The following INTS11 variants were observed in gnomAD, a reference collection of about 807,000 sequenced individuals.
INTS11 encodes integrator complex subunit 11.
Under a neutral mutation model 78.6 loss-of-function variants are expected in INTS11, and 77 were observed. The ratio of observed to expected loss-of-function variants is 0.98; its 90% CI spans 0.81 to 1.18. The LOEUF is 1.18. INTS11 is among the 50% of genes most tolerant of loss of function. The pLI, the probability that INTS11 is intolerant of heterozygous loss-of-function variation, is 0.00. For missense variants in INTS11, 875 were observed against 825.9 expected, an observed-to-expected ratio of 1.06 and a Z score of -0.73; for synonymous variants, 441 against 326.9, an observed-to-expected ratio of 1.35 and a Z score of -3.77.
At chr1:1,321,205 T>A in intron 1 of INTS11, 112 bp from the exon 2 acceptor site, 1 of 786,182 alleles carries the variant, frequency 1.3e-6, no homozygotes, top group South Asian at 1.6e-5. Context: ...GTCTGCTGTG[T>A]GGACAGACAC....
Position 1,315,436 on chromosome 1 carries a change from A to G in INTS11, c.531T>C (p.Gly177=). The G allele has an allele frequency of 6.2e-7, 1 of 1,612,068 alleles. No individual in the cohort carries two copies. Among genetic ancestry groups the G allele is most frequent in the Non-Finnish European group, 8.5e-7 (1 of 1,179,674 alleles). Residue 177 remains glycine, a splice_region_variant and synonymous_variant, in exon 6 of 17, where the codon GGT becomes GGC. Coordinates refer to ENST00000435064, the MANE Select transcript of INTS11 (RefSeq NM_017871.6). ...GTCGGTCTGGGGTCATGTTATAATCACCCTGGTGAACGATCAAGGATGCCA... is the reference window on the plus strand; with the variant it reads ...GTCGGTCTGGGGTCATGTTATAATCGCCCTGGTGAACGATCAAGGATGCCA... ...KVGSESVVYT[G]DYNMTPDRHL... is the part of the protein sequence containing the mutation.
chr1:1,311,934 A>T lies in INTS11; in HGVS notation c.1738-10T>A. On this transcript the variant is annotated splice_polypyrimidine_tract_variant and intron_variant, in intron 16 of 16. Coordinates refer to ENST00000435064, the MANE Select transcript of INTS11 (RefSeq NM_017871.6). ...TCCCCAGCTCCTCGTCCTAGGGCAGAGGCAAAAGCATTGTGGGTGGTGCAG... is the reference window on the plus strand; with the variant it reads ...TCCCCAGCTCCTCGTCCTAGGGCAGTGGCAAAAGCATTGTGGGTGGTGCAG... 1 of 1,582,074 alleles carries T rather than the reference A, an allele frequency of 6.3e-7. No homozygotes were observed. The highest frequency in any genetic ancestry group is 8.6e-7 in the Non-Finnish European group (1 of 1,162,446).
chr1:1,315,142 G>A, intron 6 of INTS11, 180 bp from the exon 7 acceptor site: 1 of 800,510 alleles, frequency 1.2e-6, no homozygotes, highest in East Asian at 2.7e-5. Flanking sequence ...GAGAGACAGA[G>A]GCACCCACCC....
rs776408522 is a variant in INTS11, at chr1:1,324,634, C to G, written c.-26G>C. 6 of 1,597,900 alleles carry G rather than the reference C, an allele frequency of 3.8e-6. No homozygotes were observed. The highest frequency in any genetic ancestry group is 5.1e-6 in the Non-Finnish European group (6 of 1,173,824). Reference sequence around the variant, plus strand: ...CGTCTCCGCCGCGCTCCCGGACCCGCGAGGCCCGCCTGCGGTGATGCACTG... The same window carrying G: ...CGTCTCCGCCGCGCTCCCGGACCCGGGAGGCCCGCCTGCGGTGATGCACTG... On this transcript the variant is annotated 5_prime_UTR_variant, in exon 1 of 17. Coordinates refer to ENST00000435064, the MANE Select transcript of INTS11 (RefSeq NM_017871.6).
chr1:1,313,016 G>C lies in INTS11; in HGVS notation c.1131+19C>G, dbSNP rs1245011382. On this transcript the variant is annotated intron_variant, in intron 11 of 16. Transcript: ENST00000435064. ...GGTGCCCCTCGGCCCTGCCAGCCCA[G>C]TGCGGGGTCGAGACTCACCACCTGC... 6.2e-7 allele frequency: 1 copy of C among 1,611,318 alleles called. No individual in the cohort carries two copies. Among genetic ancestry groups the C allele is most frequent in the Non-Finnish European group, 8.5e-7 (1 of 1,179,756 alleles).
rs1347080765 is a variant in INTS11, at chr1:1,311,619, T to C, written c.*240A>G. The C allele has an allele frequency of 2.8e-6, 2 of 712,824 alleles. No individual in the cohort carries two copies. The highest frequency in any genetic ancestry group is 5.1e-6 in the Non-Finnish European group (2 of 395,534). 44.2% of individuals were successfully genotyped at this position (712,824 alleles called of 1,614,324 possible). A position where few individuals can be genotyped will look rare whatever the true frequency, so the allele number is the denominator to read the frequency against. On this transcript the variant is annotated 3_prime_UTR_variant, in exon 17 of 17. Transcript: ENST00000435064. ...AAGTAGTCTTTTGTTCAGCTTTTAC[T>C]GGAAACTGCTGTCTAGGACCACCTG...
intron 4 of INTS11, among the ~76,000 whole-genome samples, chr1:1,318,317 T>C (rs1240391234): frequency 1.3e-5 from 2 of 152,140 alleles, no homozygotes; most frequent in Admixed American, 6.5e-5. Context: ...TAAGCAAATG[T>C]TGGTGTTACC....
rs560061998 is a variant in INTS11 at position 1,315,009 on chromosome 1, G to A, written c.564-47C>T. 684 of 1,595,374 alleles carry A rather than the reference G, an allele frequency of 4.3e-4. 13 individuals carry two copies. In the South Asian group the frequency reaches 5.1e-3, roughly 12 times the overall value. ...GTGAGCCACGATGCACTGTCCCCAC[G>A]GTTGCAGGGCTGGGTGTGACAAGCT... is the stretch of plus-strand genomic sequence containing the variant. On this transcript the variant is annotated intron_variant, in intron 6 of 16. Coordinates refer to ENST00000435064, the MANE Select transcript of INTS11 (RefSeq NM_017871.6).
At chr1:1,320,431 C>A in intron 3 of INTS11, 25 bp downstream of exon 3, 1 of 1,611,890 alleles carries the variant, frequency 6.2e-7, no homozygotes, top group South Asian at 1.1e-5. Context: ...ACATGGGACC[C>A]TCAAGGCCCC....
chr1:1,315,444 G>A lies in INTS11; in HGVS notation c.529-6C>T. On this transcript the variant is annotated splice_polypyrimidine_tract_variant and splice_region_variant and intron_variant, in intron 5 of 16. Coordinates refer to ENST00000435064, the MANE Select transcript of INTS11 (RefSeq NM_017871.6). ...GGGGTCATGTTATAATCACCCTGGT[G>A]AACGATCAAGGATGCCATGAGGAGG... 2 of 1,613,180 alleles carry A rather than the reference G, an allele frequency of 1.2e-6. No homozygotes were observed. The highest frequency in any genetic ancestry group is 1.7e-6 in the Non-Finnish European group (2 of 1,179,920).
chr1:1,318,594 G>A, intron 4 of INTS11: 1 of 327,326 alleles, frequency 3.1e-6, no homozygotes, highest in East Asian at 5.3e-5. Context: ...GGAGGCCGAG[G>A]CTGCAGTGAG....
chr1:1,317,382 C>A (rs1290267105), intron 4 of INTS11: 17 of 709,596 alleles, frequency 2.4e-5, no homozygotes, highest in Non-Finnish European at 2.6e-5. Flanking sequence ...GCAATGAGAG[C>A]GAAACTCCAT....
intron 3 of INTS11, chr1:1,319,740 C>A (rs1371558705): frequency 3.5e-6 from 2 of 569,308 alleles, no homozygotes; most frequent in Admixed American, 6.5e-5. Context: ...AAATTGAACA[C>A]GTCGGTGACG....
intron 4 of INTS11, chr1:1,317,385 A>C: frequency 1.3e-5 from 9 of 704,802 alleles, no homozygotes; most frequent in Non-Finnish European, 1.6e-5. Context: ...ATGAGAGCGA[A>C]ACTCCATCTC....
At chr1:1,312,408 C>G in intron 14 of INTS11, 32 bp downstream of exon 14, 1 of 1,565,188 alleles carries the variant, frequency 6.4e-7, no homozygotes, top group Non-Finnish European at 8.7e-7. Context: ...AGCAGCGGCC[C>G]TCCCCCCTCC....
At position 1,324,564 on chromosome 1, in the gene INTS11, C is replaced by T. The variant is rs753628925; in HGVS notation, c.28+17G>A. The T allele has an allele frequency of 1.9e-6, 3 of 1,590,096 alleles. No individual in the cohort carries two copies. Among genetic ancestry groups the T allele is most frequent in the Admixed American group, 1.7e-5 (1 of 58,110 alleles). Reference sequence around the variant, plus strand: ...TACGGAGCCCACCCCACAGCCCTCCCGGCGGCTCCCACTCACCCAAGGGCG... The same window carrying T: ...TACGGAGCCCACCCCACAGCCCTCCTGGCGGCTCCCACTCACCCAAGGGCG... On this transcript the variant is annotated intron_variant, in intron 1 of 16. Transcript: ENST00000435064.
rs367695084 is a variant in INTS11 at position 1,313,490 on chromosome 1, C to T, written c.1041+19G>A. On this transcript the variant is annotated intron_variant, in intron 10 of 16. Coordinates refer to ENST00000435064, the MANE Select transcript of INTS11 (RefSeq NM_017871.6). Reference sequence around the variant, plus strand: ...TCGGCCTCCAGCTTCCAGATTCCCACACCTCACCATGCCCTCACCATGTTC... The same window carrying T: ...TCGGCCTCCAGCTTCCAGATTCCCATACCTCACCATGCCCTCACCATGTTC... 1 of 1,612,824 alleles carries T rather than the reference C, an allele frequency of 6.2e-7. No homozygotes were observed. Among genetic ancestry groups the T allele is most frequent in the South Asian group, 1.1e-5 (1 of 91,082 alleles).
At chr1:1,319,823 G>T in intron 3 of INTS11, 1 of 397,854 alleles carries the variant, frequency 2.5e-6, no homozygotes, top group South Asian at 3.1e-5. Flanking sequence ...TTTTCAGGCA[G>T]TCAGGACAGG....
intron 4 of INTS11, chr1:1,317,344 G>A (rs1642677905): frequency 3.2e-6 from 1 of 316,696 alleles, no homozygotes; most frequent in Non-Finnish European, 4.6e-6. Flanking sequence ...AAGGTGAGCT[G>A]AGATCGCACC....
Sources: allele counts gnomAD v4.1 joint callset (sites outside exome capture counted in the v4.1 genomes callset), GRCh38; gene constraint gnomAD v4.1.1; transcripts MANE v1.5; gene names NCBI Gene and HGNC (gene_info 2026-07-23, HGNC 2026-07-21).